The following SPIDR variants were observed in gnomAD, a reference collection of about 807,000 sequenced individuals.
SPIDR encodes scaffold protein involved in DNA repair.
Under a neutral mutation model 104.6 loss-of-function variants are expected in SPIDR, and 93 were observed. The ratio of observed to expected loss-of-function variants is 0.89; its 90% CI spans 0.75 to 1.06. The LOEUF (loss-of-function observed/expected upper bound fraction) is 1.06. SPIDR is among the 50% of genes least tolerant of loss of function. The probability of loss-of-function intolerance (pLI) is 0.00; values close to 1 mark genes in which losing one functional copy is unlikely to be tolerated. For missense variants in SPIDR, 1,154 were observed against 1,111.2 expected (o/e 1.04, Z -0.55); for synonymous variants, 431 against 416.9 (o/e 1.03, Z -0.41).
At chr8:47,292,627 A>G (rs1768151855) in intron 4 of SPIDR, among the ~76,000 whole-genome samples, 1 of 152,148 alleles carries the variant, frequency 6.6e-6, no homozygotes, top group South Asian at 2.1e-4. Context: ...TGTAGACCCA[A>G]TTTCCTCATC....
intron 8 of SPIDR, among the ~76,000 whole-genome samples, chr8:47,500,718 A>G (rs1337384674): frequency 1.3e-5 from 2 of 152,160 alleles, no homozygotes; most frequent in Non-Finnish European, 2.9e-5. Context: ...GTCCTTGCCC[A>G]TGCCTATGTC....
intron 8 of SPIDR, among the ~76,000 whole-genome samples, chr8:47,544,564 T>G (rs2154394081): frequency 6.6e-6 from 1 of 152,366 alleles, no homozygotes; most frequent in East Asian, 1.9e-4. Flanking sequence ...TTCTGTTTTT[T>G]GCCTGTGGGT....
At position 47,735,516 on chromosome 8, in the gene SPIDR, G is replaced by A. The variant is rs771271851; in HGVS notation, c.*66G>A. 6.2e-7 allele frequency: 1 copy of A among 1,610,286 alleles called. No homozygotes were observed. The highest frequency in any genetic ancestry group is 1.3e-5 in the African/African-American group (1 of 74,864). ...AGGGTGGTGGTGGTGGTGGTGATTT[G>A]GGGTAGTTATTTGTTAACTATGGAC... On this transcript the variant is annotated 3_prime_UTR_variant, in exon 20 of 20. Coordinates refer to ENST00000297423, the MANE Select transcript of SPIDR (RefSeq NM_001080394.4).
intron 5 of SPIDR, among the ~76,000 whole-genome samples, chr8:47,346,894 A>C (rs991966211): frequency 1.3e-5 from 2 of 151,874 alleles, no homozygotes; most frequent in Non-Finnish European, 2.9e-5. Flanking sequence ...TGATCTTTTC[A>C]AAAAAACAGC....
intron 5 of SPIDR, among the ~76,000 whole-genome samples, chr8:47,370,203 T>A (rs1355011842): frequency 6.6e-6 from 1 of 152,128 alleles, no homozygotes; most frequent in Non-Finnish European, 1.5e-5. Context: ...GTGTAACATC[T>A]TATGGAGAAA....
chr8:47,512,740 G>A (rs866067879), intron 8 of SPIDR, among the ~76,000 whole-genome samples: 21 of 152,294 alleles, frequency 1.4e-4, no homozygotes, highest in African/African-American at 4.8e-4. Context: ...AAAAAGAGAG[G>A]AGGAAAAGGA....
intron 10 of SPIDR, among the ~76,000 whole-genome samples, chr8:47,669,354 C>T (rs1484849456): frequency 6.6e-6 from 1 of 152,188 alleles, no homozygotes; most frequent in Non-Finnish European, 1.5e-5. Context: ...TCTGGGCAGT[C>T]TGTGGAATGC....
At chr8:47,434,481 A>G (rs184777497) in intron 7 of SPIDR, among the ~76,000 whole-genome samples, 1 of 152,352 alleles carries the variant, frequency 6.6e-6, no homozygotes, top group African/African-American at 2.4e-5. Flanking sequence ...CTCTGAAGAT[A>G]AAGAGAGACA....
At position 47,349,964 on chromosome 8, in the gene SPIDR, C is replaced by T. The variant is rs552285355; in HGVS notation, c.526-46412C>T. Among the ~76,000 whole-genome samples the T allele has an allele frequency of 2.0e-4, 30 of 152,256 alleles. No individual in the cohort carries two copies. The South Asian group carries it at 6.2e-3, about 32-fold the overall frequency. ...CCCCGCCCTGCTTCGGCTCACACTC[C>T]GTGGGCTGCACCCACTGTCCAGCCA... is the stretch of plus-strand genomic sequence containing the variant. On this transcript the variant is annotated intron_variant, in intron 5 of 19. Coordinates refer to ENST00000297423, the MANE Select transcript of SPIDR (RefSeq NM_001080394.4).
chr8:47,459,758 G>T (rs1364974043), intron 8 of SPIDR, among the ~76,000 whole-genome samples: 1 of 151,944 alleles, frequency 6.6e-6, no homozygotes, highest in Non-Finnish European at 1.5e-5. Flanking sequence ...CAGACTTTTT[G>T]TTGTGGGCAT....
intron 10 of SPIDR, among the ~76,000 whole-genome samples, chr8:47,662,571 C>T (rs1165728627): frequency 6.6e-6 from 1 of 152,178 alleles, no homozygotes; most frequent in African/African-American, 2.4e-5. Flanking sequence ...GCAAACTCCC[C>T]ACAAAACCCT....
chr8:47,432,101 C>T (rs533819902), intron 7 of SPIDR, among the ~76,000 whole-genome samples: 42 of 152,252 alleles, frequency 2.8e-4, no homozygotes, highest in African/African-American at 8.9e-4. Context: ...AATACTTTAA[C>T]AGGTATTTAC....
At chr8:47,493,042 A>AGTGTGTGTGTGTGT (rs60518877) in intron 8 of SPIDR, among the ~76,000 whole-genome samples, 8 of 140,520 alleles carry the variant, frequency 5.7e-5, no homozygotes, top group Non-Finnish European at 9.3e-5. Context: ...AGAGAGAGTG[A>AGTGTGTGTGTGTGT]GTGTGTGTGT....
chr8:47,524,484 A>T (rs2084672416), intron 8 of SPIDR, among the ~76,000 whole-genome samples: 1 of 152,154 alleles, frequency 6.6e-6, no homozygotes, highest in South Asian at 2.1e-4. Context: ...CATGGGCAGC[A>T]GGTCCTGTAC....
At chr8:47,281,870 C>T (rs955591738) in intron 2 of SPIDR, among the ~76,000 whole-genome samples, 9 of 152,182 alleles carry the variant, frequency 5.9e-5, no homozygotes, top group Non-Finnish European at 1.3e-4. Context: ...TCAGAGGAGT[C>T]ACTATCTGTG....
At chr8:47,293,013 A>C (rs1206440338) in intron 4 of SPIDR, among the ~76,000 whole-genome samples, 1 of 151,862 alleles carries the variant, frequency 6.6e-6, no homozygotes, top group African/African-American at 2.4e-5. Context: ...GAAAATCTCT[A>C]ATGTGTTCCC....
At position 47,396,373 on chromosome 8, in the gene SPIDR, CA is replaced by C; in HGVS notation, c.526-2del. The C allele has an allele frequency of 6.3e-7, 1 of 1,579,716 alleles. No individual in the cohort carries two copies. The highest frequency in any genetic ancestry group is 8.6e-7 in the Non-Finnish European group (1 of 1,157,686). Reference sequence around the variant, plus strand: ...ATATGCCTTTCTTTTAATTTTTTTTCAGCCAAGTTCTATAGAAATTTTAGAG... The same window carrying C: ...ATATGCCTTTCTTTTAATTTTTTTTCGCCAAGTTCTATAGAAATTTTAGAG... On this transcript the variant is annotated splice_acceptor_variant, in intron 5 of 19. Coordinates refer to ENST00000297423, the MANE Select transcript of SPIDR (RefSeq NM_001080394.4). LOFTEE classifies it high-confidence loss of function.
chr8:47,403,231 A>C (rs1291951218), intron 6 of SPIDR, among the ~76,000 whole-genome samples: 3 of 152,228 alleles, frequency 2.0e-5, no homozygotes, highest in African/African-American at 7.2e-5. Flanking sequence ...ATTTATGACA[A>C]ACCCACAGCC....
chr8:47,568,320 T>C (rs1388009703), intron 8 of SPIDR, among the ~76,000 whole-genome samples: 1 of 152,192 alleles, frequency 6.6e-6, no homozygotes, highest in Non-Finnish European at 1.5e-5. Context: ...AGATGAAAAG[T>C]GTTAGAACAA....
Sources: gnomAD v4.1 joint callset for allele counts (sites outside exome capture counted in the v4.1 genomes callset) on GRCh38, gnomAD v4.1.1 for gene constraint, MANE v1.5 for transcripts, NCBI Gene and HGNC (gene_info 2026-07-23, HGNC 2026-07-21) for gene names.